Variants in DLC1 observed in about 807,000 individuals in gnomAD.
DLC1 encodes DLC1 Rho GTPase activating protein, also known as rho GTPase-activating protein 7.
A neutral mutation model predicts 140.3 loss-of-function variants in DLC1; 54 were observed. The observed-to-expected ratio is 0.38, with a 90% confidence interval of 0.31 to 0.48. The LOEUF (loss-of-function observed/expected upper bound fraction) is 0.48, where lower values mean the gene tolerates loss of function less well. Among genes scored for constraint, DLC1 ranks in the 20% least tolerant of loss-of-function variants. The probability of loss-of-function intolerance (pLI) is 0.96; values close to 1 mark genes in which losing one functional copy is unlikely to be tolerated. For missense variants in DLC1, 2,536 were observed against 1,907.0 expected, an observed-to-expected ratio of 1.33 and a Z score of -6.14; for synonymous variants, 986 against 728.1, an observed-to-expected ratio of 1.35 and a Z score of -5.70.
intron 13 of DLC1, 60 bp downstream of exon 13, chr8:13,092,552 G>C (rs775739963): frequency 8.4e-6 from 13 of 1,552,258 alleles, no homozygotes; most frequent in Non-Finnish European, 1.1e-5. Flanking sequence ...CAGCTACGGA[G>C]AGTCCTAGGA....
intron 1 of DLC1, chr8:13,567,989 C>G (rs1318944978): frequency 1.4e-6 from 2 of 1,480,522 alleles, no homozygotes; most frequent in Non-Finnish European, 1.8e-6. Flanking sequence ...TGAGTAATTA[C>G]CATAATTTCT....
At chr8:13,369,636 T>G (rs67347580) in intron 4 of DLC1, among the ~76,000 whole-genome samples, 19,074 of 152,046 alleles carry the variant, frequency 0.13, 1,325 homozygotes, top group Non-Finnish European at 0.16. Context: ...AACCCCTGTT[T>G]TTTTCTCCCT....
intron 1 of DLC1, among the ~76,000 whole-genome samples, chr8:13,585,222 G>A (rs1025289258): frequency 1.3e-5 from 2 of 152,068 alleles, no homozygotes; most frequent in African/African-American, 4.8e-5. Flanking sequence ...TTCAAGACAA[G>A]GTGACCCCTG....
chr8:13,292,502 G>T (rs1414966894), intron 5 of DLC1, among the ~76,000 whole-genome samples: 1 of 152,162 alleles, frequency 6.6e-6, no homozygotes, highest in Non-Finnish European at 1.5e-5. Flanking sequence ...CTTTCCTAAA[G>T]TCATAAAAGA....
intron 4 of DLC1, among the ~76,000 whole-genome samples, chr8:13,321,167 A>G (rs1833090619): frequency 6.6e-6 from 1 of 152,248 alleles, no homozygotes; most frequent in Admixed American, 6.5e-5. Context: ...AACTTTTAAA[A>G]AAATACTTAC....
intron 5 of DLC1, among the ~76,000 whole-genome samples, chr8:13,290,892 C>A (rs924944560): frequency 6.6e-6 from 1 of 152,168 alleles, no homozygotes; most frequent in Non-Finnish European, 1.5e-5. Context: ...GTGGCCAGAG[C>A]TGGAGACTGT....
At chr8:13,562,671 A>G (rs112079156) in intron 1 of DLC1, among the ~76,000 whole-genome samples, 9 of 152,288 alleles carry the variant, frequency 5.9e-5, no homozygotes, top group African/African-American at 1.9e-4. Context: ...GTAAGTAGAA[A>G]ACTACATATG....
intron 1 of DLC1, among the ~76,000 whole-genome samples, chr8:13,537,653 T>C (rs1216158433): frequency 7.5e-6 from 1 of 133,010 alleles, no homozygotes; most frequent in Non-Finnish European, 1.5e-5. Context: ...TAACTCTTTT[T>C]TTTTTTTTTT....
chr8:13,555,579 C>T (rs1804015171), intron 1 of DLC1, among the ~76,000 whole-genome samples: 1 of 151,978 alleles, frequency 6.6e-6, no homozygotes, highest in Admixed American at 6.6e-5. Context: ...GCAATCTCCT[C>T]CTCCTGGGTA....
intron 1 of DLC1, among the ~76,000 whole-genome samples, chr8:13,551,922 A>G (rs1803869499): frequency 6.8e-6 from 1 of 146,298 alleles, no homozygotes; most frequent in African/African-American, 2.5e-5. Context: ...ATGTACCTCT[A>G]GACAGTATAT....
chr8:13,094,581 G>A (rs553044585), intron 12 of DLC1, among the ~76,000 whole-genome samples, 178 bp downstream of exon 12: 2 of 152,138 alleles, frequency 1.3e-5, no homozygotes, highest in South Asian at 2.1e-4. Flanking sequence ...TGGGAGAATC[G>A]CTTGAACCTG....
chr8:13,596,146 T>C (rs954590530), intron 1 of DLC1, among the ~76,000 whole-genome samples: 1 of 152,054 alleles, frequency 6.6e-6, no homozygotes, highest in African/African-American at 2.4e-5. Context: ...GCTAAATATA[T>C]TAATCTCAAT....
intron 5 of DLC1, among the ~76,000 whole-genome samples, chr8:13,294,076 C>T (rs1203679474): frequency 6.6e-6 from 1 of 152,168 alleles, no homozygotes; most frequent in African/African-American, 2.4e-5. Flanking sequence ...AATAGTTTCA[C>T]TATGCGGAAA....
chr8:13,268,566 G>T lies in DLC1; in HGVS notation c.1348+36703C>A, dbSNP rs1830785527. Among the ~76,000 whole-genome samples, 6 of 152,212 alleles carry T rather than the reference G, an allele frequency of 3.9e-5. No homozygotes were observed. In the South Asian group the frequency reaches 1.2e-3, roughly 32 times the overall value. ...TAGCTGCCTAATTTTTAAATTATTTGTAATGACGGAGTCTTGCTATGTTGC... is the reference window on the plus strand; with the variant it reads ...TAGCTGCCTAATTTTTAAATTATTTTTAATGACGGAGTCTTGCTATGTTGC... On this transcript the variant is annotated intron_variant, in intron 5 of 17. Coordinates refer to ENST00000276297, the MANE Select transcript of DLC1 (RefSeq NM_182643.3).
At chr8:13,273,504 C>T (rs1216071930) in intron 5 of DLC1, among the ~76,000 whole-genome samples, 2 of 152,200 alleles carry the variant, frequency 1.3e-5, no homozygotes, top group African/African-American at 4.8e-5. Flanking sequence ...ACAATCTGAT[C>T]TGTCCTTCCT....
At chr8:13,521,489 C>T (rs373552173) in intron 1 of DLC1, among the ~76,000 whole-genome samples, 81 of 152,240 alleles carry the variant, frequency 5.3e-4, no homozygotes, top group Middle Eastern at 3.4e-3. Context: ...TCAAATGGGG[C>T]CACGCATTCT....
chr8:13,118,758 C>A (rs1820788203), intron 5 of DLC1, among the ~76,000 whole-genome samples: 1 of 152,128 alleles, frequency 6.6e-6, no homozygotes, highest in Admixed American at 6.5e-5. Flanking sequence ...CACACAGTTT[C>A]ATTCCCCGAT....
intron 2 of DLC1, among the ~76,000 whole-genome samples, chr8:13,445,957 G>C (rs1449187798): frequency 1.3e-5 from 2 of 152,050 alleles, no homozygotes; most frequent in East Asian, 3.9e-4. Context: ...CCTAAGAAAG[G>C]GGCAAGGGAA....
chr8:13,528,061 A>G (rs1802976139), intron 1 of DLC1, among the ~76,000 whole-genome samples: 1 of 152,144 alleles, frequency 6.6e-6, no homozygotes, highest in African/African-American at 2.4e-5. Flanking sequence ...AAAAATCATT[A>G]TTGTTAGATA....
Sources: gnomAD v4.1 joint callset for allele counts (sites outside exome capture counted in the v4.1 genomes callset) on GRCh38, gnomAD v4.1.1 for gene constraint, MANE v1.5 for transcripts, NCBI Gene and HGNC (gene_info 2026-07-23, HGNC 2026-07-21) for gene names.